The following XPO6 variants were observed in gnomAD, a reference collection of about 807,000 sequenced individuals.
XPO6 encodes exportin-6.
XPO6 carries 3 observed loss-of-function variants against 130.0 expected under a neutral mutation model. The ratio of observed to expected loss-of-function variants is 0.02; its 90% CI spans 0.01 to 0.06. The LOEUF (loss-of-function observed/expected upper bound fraction) is 0.06, where lower values mean the gene tolerates loss of function less well. XPO6 is among the 10% of genes least tolerant of loss of function. XPO6 has a pLI of 1.00. For synonymous variants in XPO6, 524 were observed against 548.9 expected, an observed-to-expected ratio of 0.95 and a Z score of 0.63; for missense variants, 970 against 1,393.0, an observed-to-expected ratio of 0.70 and a Z score of 4.83.
At chr16:28,196,953 T>G (rs2043874234) in intron 1 of XPO6, among the ~76,000 whole-genome samples, 1 of 152,140 alleles carries the variant, frequency 6.6e-6, no homozygotes, top group African/African-American at 2.4e-5. Flanking sequence ...CCTTTACAAA[T>G]TACCCAGCTT....
In XPO6 at chr16:28,121,513, T is replaced by C. The variant is rs916197678; in HGVS notation, c.1859+157A>G. ...TCCAACCGCCTCTGCCCCAGACATA[T>C]AGTCAAAAAAATCTCTCTCTCTTTC... On this transcript the variant is annotated intron_variant, in intron 14 of 23. Coordinates refer to ENST00000304658, the MANE Select transcript of XPO6 (RefSeq NM_015171.4). Among the ~76,000 whole-genome samples the C allele has an allele frequency of 4.6e-5, 7 of 152,330 alleles. 1 individual carries two copies. The highest frequency in any genetic ancestry group is 3.4e-3 in the Middle Eastern group (1 of 294).
At position 28,160,503 on chromosome 16, in the gene XPO6, C is replaced by CAAAAAAAAAAAAAAAAAAAAAAAAA. The variant is rs1158204334; in HGVS notation, c.644-3977_644-3976insTTTTTTTTTTTTTTTTTTTTTTTTT. On this transcript the variant is annotated intron_variant, in intron 6 of 23. Coordinates refer to ENST00000304658, the MANE Select transcript of XPO6 (RefSeq NM_015171.4). ...TGGATAACAAAGTGAGACTCCATCA[C>CAAAAAAAAAAAAAAAAAAAAAAAAA]CAAAAAAAAAAAAAAAATCAAGTAA... 7.6e-4 allele frequency among the ~76,000 whole-genome samples: 88 copies of CAAAAAAAAAAAAAAAAAAAAAAAAA among 116,556 alleles called. 4 individuals are homozygous for CAAAAAAAAAAAAAAAAAAAAAAAAA. The highest frequency in any genetic ancestry group is 5.1e-3 in the East Asian group (20 of 3,936). 76.5% of individuals were successfully genotyped at this position (116,556 alleles called of 152,430 possible).
intron 7 of XPO6, chr16:28,153,947 T>C (rs1278282303): frequency 4.1e-6 from 4 of 985,306 alleles, no homozygotes; most frequent in Non-Finnish European, 4.8e-6. Context: ...GCCTGACCTC[T>C]ATGCGGCCGA....
chr16:28,130,183 A>G (rs2042637186), intron 12 of XPO6, among the ~76,000 whole-genome samples: 1 of 152,254 alleles, frequency 6.6e-6, no homozygotes, highest in African/African-American at 2.4e-5. Context: ...GGAGCCTTCC[A>G]GGCTGGGTAA....
chr16:28,158,643 G>A (rs2043220843), intron 6 of XPO6, among the ~76,000 whole-genome samples: 1 of 152,076 alleles, frequency 6.6e-6, no homozygotes, highest in Admixed American at 6.5e-5. Context: ...AGAGTCAAGG[G>A]ACCCCAAGAC....
At chr16:28,210,491 T>C (rs1475071800) in intron 1 of XPO6, among the ~76,000 whole-genome samples, 2 of 152,312 alleles carry the variant, frequency 1.3e-5, no homozygotes, top group South Asian at 2.1e-4. Flanking sequence ...AATTTGGTCT[T>C]TGAAGGAGCT....
chr16:28,178,867 G>T (rs934869383), intron 2 of XPO6, among the ~76,000 whole-genome samples: 3 of 151,906 alleles, frequency 2.0e-5, no homozygotes, highest in Admixed American at 6.5e-5. Context: ...AAGAGATCGA[G>T]ACTATCCTGG....
chr16:28,169,399 C>T (rs1172883968), intron 5 of XPO6, among the ~76,000 whole-genome samples: 3 of 152,220 alleles, frequency 2.0e-5, no homozygotes, highest in Admixed American at 6.5e-5. Context: ...ACTCCAACTT[C>T]TCCTGATCTT....
intron 14 of XPO6, among the ~76,000 whole-genome samples, chr16:28,119,172 T>C (rs2087158648): frequency 6.6e-6 from 1 of 151,802 alleles, no homozygotes; most frequent in African/African-American, 2.4e-5. Context: ...TGCACCACTA[T>C]GTCCGGCTAT....
chr16:28,108,971 C>G (rs770553277), intron 17 of XPO6, among the ~76,000 whole-genome samples: 1 of 152,204 alleles, frequency 6.6e-6, no homozygotes, highest in Non-Finnish European at 1.5e-5. Flanking sequence ...AAAGGAAAGG[C>G]TCACCCACAC....
At chr16:28,164,375 T>C (rs922719441) in intron 6 of XPO6, among the ~76,000 whole-genome samples, 48 of 152,308 alleles carry the variant, frequency 3.2e-4, no homozygotes, top group Middle Eastern at 3.4e-3. Flanking sequence ...TGAATGGTGA[T>C]TGCATCATCA....
chr16:28,157,785 TGGATGCAGG>T (rs1337759184), intron 6 of XPO6, among the ~76,000 whole-genome samples: 1 of 152,198 alleles, frequency 6.6e-6, no homozygotes, highest in Non-Finnish European at 1.5e-5. Flanking sequence ...GTACAAGGAA[TGGATGCAGG>T]AACCTTCACA....
chr16:28,105,741 G>A, intron 20 of XPO6: 2 of 314,646 alleles, frequency 6.4e-6, no homozygotes, highest in Non-Finnish European at 1.2e-5. Flanking sequence ...ACATATGTTA[G>A]AATGTTTGCT....
At chr16:28,176,418 G>A (rs1180803605) in intron 3 of XPO6, among the ~76,000 whole-genome samples, 4 of 151,830 alleles carry the variant, frequency 2.6e-5, no homozygotes, top group Non-Finnish European at 5.9e-5. Context: ...GGTGAATAAT[G>A]TCATAACCAC....
chr16:28,114,886 T>C (rs2087016491), intron 15 of XPO6, among the ~76,000 whole-genome samples: 1 of 152,220 alleles, frequency 6.6e-6, no homozygotes, highest in Non-Finnish European at 1.5e-5. Context: ...TCCTCTGTTA[T>C]TTCAACAATG....
chr16:28,204,683 T>C (rs1016347521), intron 1 of XPO6, among the ~76,000 whole-genome samples: 2 of 152,114 alleles, frequency 1.3e-5, no homozygotes, highest in African/African-American at 4.8e-5. Context: ...GCCTAGAGTG[T>C]TCCGGCTATG....
Position 28,112,882 on chromosome 16 carries a change from C to T in XPO6, c.2151+22G>A, listed in dbSNP as rs576418968. The T allele has an allele frequency of 3.7e-6, 6 of 1,607,762 alleles. No individual in the cohort carries two copies. In the South Asian group the frequency reaches 5.5e-5, roughly 15 times the overall value. ...CTCAGTCACACAGCCCTGGGGACCC[C>T]GGGGGAGCTCTGGGGCCTCACCTTA... On this transcript the variant is annotated intron_variant, in intron 16 of 23. Transcript: ENST00000304658.
At chr16:28,175,818 A>T in intron 4 of XPO6, 80 bp downstream of exon 4, 1 of 1,325,830 alleles carries the variant, frequency 7.5e-7, no homozygotes, top group South Asian at 1.3e-5. Flanking sequence ...TAATCTTAAA[A>T]GTCCTCTTCA....
chr16:28,204,676 T>C (rs2044001432), intron 1 of XPO6, among the ~76,000 whole-genome samples: 1 of 152,090 alleles, frequency 6.6e-6, no homozygotes, highest in South Asian at 2.1e-4. Context: ...GTTCGAGGCC[T>C]AGAGTGTTCC....
Sources: allele counts gnomAD v4.1 joint callset (sites outside exome capture counted in the v4.1 genomes callset), GRCh38; gene constraint gnomAD v4.1.1; transcripts MANE v1.5; gene names NCBI Gene and HGNC (gene_info 2026-07-23, HGNC 2026-07-21).